RANBP2: variants seen among roughly 807,000 people sequenced by gnomAD.
RANBP2 encodes RAN binding protein 2.
In RANBP2, 57 loss-of-function variants were observed where a neutral mutation model predicts 303.6. The ratio of observed to expected loss-of-function variants is 0.19; its 90% CI spans 0.15 to 0.23. The LOEUF (loss-of-function observed/expected upper bound fraction) is 0.23. RANBP2 is among the 10% of genes least tolerant of loss of function. The pLI is 1.00. For missense variants in RANBP2, 3,138 were observed against 3,780.8 expected, an observed-to-expected ratio of 0.83 and a Z score of 4.46; for synonymous variants, 1,167 against 1,301.5, an observed-to-expected ratio of 0.90 and a Z score of 2.23.
At chr2:109,519,320 T>G in the RANBP2 span, among the ~76,000 whole-genome samples, 108 of 152,264 alleles carry the variant, frequency 7.1e-4, no homozygotes, top group African/African-American at 2.6e-3. Flanking sequence ...GCCCCCATGA[T>G]CCAATCACCT....
chr2:109,128,992 G>C, the RANBP2 span: 1 of 425,632 alleles, frequency 2.3e-6, no homozygotes, highest in East Asian at 9.4e-5. Flanking sequence ...GCACGTGCTC[G>C]CGGCCGAGGA....
the RANBP2 span, among the ~76,000 whole-genome samples, chr2:109,380,189 G>GC: frequency 5.3e-5 from 8 of 152,188 alleles, no homozygotes; most frequent in Admixed American, 3.3e-4. Flanking sequence ...ATAGGTAGGT[G>GC]CCTAGGTACC....
At chr2:109,033,997 T>C in the RANBP2 span, among the ~76,000 whole-genome samples, 1 of 149,670 alleles carries the variant, frequency 6.7e-6, no homozygotes, top group Non-Finnish European at 1.5e-5. Flanking sequence ...GTGTGTTGGC[T>C]GACGCCTGTA....
At chr2:109,721,816 C>T in the RANBP2 span, among the ~76,000 whole-genome samples, 2 of 152,208 alleles carry the variant, frequency 1.3e-5, no homozygotes, top group Non-Finnish European at 2.9e-5. Context: ...GGTGGCCCTA[C>T]AACGAGGGGT....
In RANBP2 at chr2:108,767,800, G is replaced by C; in HGVS notation, c.7261G>C (p.Val2421Leu). The change falls in exon 20 of 29, where the codon GTT (valine) becomes CTT (leucine). Residue 2421 changes from valine (V) to leucine (L), a missense_variant. Physicochemically the swap from Val to Leu is conservative, Grantham distance 32. Transcript: ENST00000283195. ...AGAAAGAAAAGTAGAGCATTTAGCT[G>C]TTCGTTTTAAACTACAGGATGTTGC... ...DGERKVEHLA[V>L]RFKLQDVADS... 2.5e-6 allele frequency: 4 copies of C among 1,611,620 alleles called. No homozygotes were observed. Among genetic ancestry groups the C allele is most frequent in the Non-Finnish European group, 3.4e-6 (4 of 1,179,856 alleles).
the RANBP2 span, chr2:109,544,425 G>A: frequency 4.9e-6 from 7 of 1,428,478 alleles, no homozygotes; most frequent in Admixed American, 8.0e-5. Context: ...CTGGCCATGG[G>A]ACTTTGAAAA....
Position 108,781,311 on chromosome 2 carries a change from G to A in RANBP2, c.8642G>A (p.Gly2881Glu). 1 of 1,614,112 alleles carries A rather than the reference G, an allele frequency of 6.2e-7. No individual in the cohort carries two copies. Among genetic ancestry groups the A allele is most frequent in the South Asian group, 1.1e-5 (1 of 91,080 alleles). ...GCAAATACTGGAGCAGCTGTGTTTG[G>A]AACACAGTCAGTCGGAACCCAGTCA... ...QWANTGAAVF[G>E]TQSVGTQSAG... The change falls in exon 26 of 29, where the codon GGA becomes GAA. Residue 2881 changes from glycine (G) to glutamate (E), a missense_variant. Gly to Glu is a moderately conservative substitution (Grantham distance 98). This residue lies in a region of RANBP2 where 497 missense variants were observed against 465.8 expected (regional missense o/e 1.07). Coordinates refer to ENST00000283195, the MANE Select transcript of RANBP2 (RefSeq NM_006267.5).
chr2:109,640,221 G>A, the RANBP2 span, among the ~76,000 whole-genome samples: 42 of 151,736 alleles, frequency 2.8e-4, no homozygotes, highest in African/African-American at 9.9e-4. Flanking sequence ...GGAGGCCAAG[G>A]CGGGCGGATC....
chr2:109,680,595 T>C, the RANBP2 span, among the ~76,000 whole-genome samples: 3 of 152,174 alleles, frequency 2.0e-5, no homozygotes, highest in Non-Finnish European at 4.4e-5. Context: ...CATGTGGGAA[T>C]AGTTAACAAC....
At chr2:109,499,608 C>G in the RANBP2 span, among the ~76,000 whole-genome samples, 32,526 of 152,124 alleles carry the variant, frequency 0.21, 3,579 homozygotes, top group Admixed American at 0.25. Flanking sequence ...CTGTCAGACT[C>G]TAAGCATAAG....
At chr2:109,720,226 T>A in the RANBP2 span, among the ~76,000 whole-genome samples, 7 of 151,778 alleles carry the variant, frequency 4.6e-5, no homozygotes, top group African/African-American at 1.7e-4. Context: ...TTCTGATCAT[T>A]ATATATATAT....
chr2:108,793,298 A>C, the RANBP2 span, among the ~76,000 whole-genome samples: 2 of 152,034 alleles, frequency 1.3e-5, no homozygotes, highest in African/African-American at 2.4e-5. Flanking sequence ...GCGCCACTGC[A>C]CTCCAGCCTG....
chr2:109,231,278 T>C, the RANBP2 span, among the ~76,000 whole-genome samples: 1 of 152,210 alleles, frequency 6.6e-6, no homozygotes, highest in Non-Finnish European at 1.5e-5. Context: ...TGAGAGGAAT[T>C]GGTGGGTGGA....
At chr2:108,858,200 C>G in the RANBP2 span, among the ~76,000 whole-genome samples, 1 of 152,066 alleles carries the variant, frequency 6.6e-6, no homozygotes, top group Non-Finnish European at 1.5e-5. Flanking sequence ...AAAAATTAGC[C>G]GGGCATGGTG....
chr2:109,705,144 C>T, the RANBP2 span, among the ~76,000 whole-genome samples: 3 of 151,780 alleles, frequency 2.0e-5, no homozygotes, highest in Non-Finnish European at 4.4e-5. Flanking sequence ...GTGGCTCATG[C>T]CTGTAATCCC....
the RANBP2 span, among the ~76,000 whole-genome samples, chr2:109,396,555 G>A: frequency 2.0e-5 from 3 of 152,198 alleles, no homozygotes; most frequent in South Asian, 4.1e-4. Flanking sequence ...CAGGGCTTCT[G>A]GGTTTTTTGT....
chr2:109,219,280 G>A, the RANBP2 span, among the ~76,000 whole-genome samples: 1 of 148,164 alleles, frequency 6.7e-6, no homozygotes, highest in African/African-American at 2.5e-5. Context: ...GGGGGGCTCA[G>A]TATTATTTCC....
At chr2:109,653,859 G>A in the RANBP2 span, among the ~76,000 whole-genome samples, 6 of 152,162 alleles carry the variant, frequency 3.9e-5, no homozygotes, top group South Asian at 2.1e-4. Flanking sequence ...TTCAGGTAGC[G>A]CTCATCTCCA....
chr2:109,268,398 G>A, the RANBP2 span, among the ~76,000 whole-genome samples: 1 of 151,998 alleles, frequency 6.6e-6, no homozygotes, highest in Admixed American at 6.6e-5. Flanking sequence ...ACTGCAGCAG[G>A]GCTGAGAGCT....
Sources: gnomAD v4.1 joint callset for allele counts (sites outside exome capture counted in the v4.1 genomes callset) on GRCh38, gnomAD v4.1.1 for gene constraint, gnomAD v4.1.1 regional missense constraint, MANE v1.5 for transcripts, NCBI Gene and HGNC (gene_info 2026-07-23, HGNC 2026-07-21) for gene names.